The following JAKMIP1 variants were observed in gnomAD, a reference collection of about 807,000 sequenced individuals.
JAKMIP1 encodes the protein janus kinase and microtubule interacting protein 1.
Under a neutral mutation model 113.0 loss-of-function variants are expected in JAKMIP1, and 33 were observed. That is an observed-to-expected ratio of 0.29 (90% CI 0.22 to 0.39). The LOEUF (loss-of-function observed/expected upper bound fraction) is 0.39. JAKMIP1 is among the 10% of genes least tolerant of loss of function. The probability of loss-of-function intolerance (pLI) is 1.00; values close to 1 mark genes in which losing one functional copy is unlikely to be tolerated. For missense variants in JAKMIP1, 813 were observed against 1,080.5 expected (o/e 0.75, Z 3.47); for synonymous variants, 480 against 459.9 (o/e 1.04, Z -0.56).
rs931817415 is a variant in JAKMIP1 at position 6,158,809 on chromosome 4, C to A, written c.-148+41444G>T. 1.7e-4 allele frequency among the ~76,000 whole-genome samples: 26 copies of A among 152,124 alleles called. No individual in the cohort carries two copies. Among genetic ancestry groups the A allele is most frequent in the African/African-American group, 6.0e-4 (25 of 41,412 alleles). ...ACAGGAATTTAAAACACATACTGGG[C>A]CGGGCGTGGTGACTCACACCTGTAA... On this transcript the variant is annotated intron_variant, in intron 1 of 20. Transcript: ENST00000409021. The surrounding 1 kb of genome is among the most constrained non-coding windows in gnomAD (Gnocchi z 5.3).
rs1048627231 is a variant in JAKMIP1, at chr4:6,154,234, C to T, written c.-147-41237G>A. Among the ~76,000 whole-genome samples the T allele has an allele frequency of 6.6e-6, 1 of 152,192 alleles. No homozygotes were observed. The highest frequency in any genetic ancestry group is 2.4e-5 in the African/African-American group (1 of 41,448). On this transcript the variant is annotated intron_variant, in intron 1 of 20. Transcript: ENST00000409021. This position sits in a 1 kb window ranked among gnomAD's most constrained non-coding sequence, Gnocchi z 4.2. ...CTGAAGAAACAAGCAAATCACTGGACGTGCAGAGAGGCTGCACTGGGGAGA... is the reference window on the plus strand; with the variant it reads ...CTGAAGAAACAAGCAAATCACTGGATGTGCAGAGAGGCTGCACTGGGGAGA...
chr4:6,037,322 C>G (rs1713624631), intron 18 of JAKMIP1, among the ~76,000 whole-genome samples: 2 of 121,638 alleles, frequency 1.6e-5, no homozygotes, highest in Admixed American at 1.4e-4. Context: ...ACCAGTATCC[C>G]TCCATCACCG....
Position 6,179,681 on chromosome 4 carries a change from C to T in JAKMIP1, c.-148+20572G>A, listed in dbSNP as rs1480462421. Among the ~76,000 whole-genome samples, 6 of 152,192 alleles carry T rather than the reference C, an allele frequency of 3.9e-5. No homozygotes were observed. Among genetic ancestry groups the T allele is most frequent in the African/African-American group, 1.4e-4 (6 of 41,442 alleles). On this transcript the variant is annotated intron_variant, in intron 1 of 20. Coordinates refer to ENST00000409021, the MANE Select transcript of JAKMIP1 (RefSeq NM_001099433.2). This position sits in a 1 kb window ranked among gnomAD's most constrained non-coding sequence, Gnocchi z 4.5. ...GGGTCTCTTGGGGTATCACTCCTGC[C>T]CCCAGACCAAAAGCAACAGCTAAAC...
intron 2 of JAKMIP1, among the ~76,000 whole-genome samples, chr4:6,107,791 T>C (rs1307760942): frequency 6.6e-6 from 1 of 152,090 alleles, no homozygotes; most frequent in African/African-American, 2.4e-5. Flanking sequence ...ATTGGTTCTG[T>C]TTCTTTGAAG....
intron 3 of JAKMIP1, among the ~76,000 whole-genome samples, chr4:6,087,121 T>C (rs888597381): frequency 8.5e-5 from 13 of 152,184 alleles, no homozygotes; most frequent in African/African-American, 2.7e-4. Context: ...ACGTAGCAAG[T>C]TACATTTCAG....
chr4:6,144,863 T>C (rs1011136546), intron 1 of JAKMIP1, among the ~76,000 whole-genome samples: 4 of 152,186 alleles, frequency 2.6e-5, no homozygotes, highest in African/African-American at 7.2e-5. Context: ...AACATTGGAC[T>C]TGAGGTTTTA....
At chr4:6,036,253 C>T in intron 18 of JAKMIP1, 146 bp from the exon 19 acceptor site, 1 of 642,652 alleles carries the variant, frequency 1.6e-6, no homozygotes. Context: ...ACAGGGCCAG[C>T]AGTGCCCGGG....
intron 16 of JAKMIP1, among the ~76,000 whole-genome samples, chr4:6,045,952 A>C (rs1004204719): frequency 1.3e-5 from 2 of 152,236 alleles, no homozygotes; most frequent in African/African-American, 4.8e-5. Context: ...ACAATTTTTA[A>C]AATAAAGAGT....
Position 6,121,144 on chromosome 4 carries a change from G to A in JAKMIP1, c.-147-8147C>T, listed in dbSNP as rs190261911. Among the ~76,000 whole-genome samples the A allele has an allele frequency of 4.3e-4, 64 of 148,596 alleles. 1 individual carries two copies. The East Asian group carries it at 0.011, about 25-fold the overall frequency. ...GAATCTGGGAGGCAGAGGTTGCAGT[G>A]AGCCAAGATTGCACCACTGAACTCC... On this transcript the variant is annotated intron_variant, in intron 1 of 20. Coordinates refer to ENST00000409021, the MANE Select transcript of JAKMIP1 (RefSeq NM_001099433.2).
At chr4:6,034,933 C>T (rs893685138) in intron 19 of JAKMIP1, among the ~76,000 whole-genome samples, 4 of 152,146 alleles carry the variant, frequency 2.6e-5, no homozygotes, top group African/African-American at 9.7e-5. Flanking sequence ...ATTCAATCAC[C>T]TGAAGGCCTT....
At chr4:6,124,621 G>A (rs958538519) in intron 1 of JAKMIP1, among the ~76,000 whole-genome samples, 4 of 152,186 alleles carry the variant, frequency 2.6e-5, no homozygotes, top group South Asian at 4.1e-4. Context: ...CCTCCCCACC[G>A]TTCCCTGCTG....
chr4:6,095,920 G>A (rs1034429669), intron 3 of JAKMIP1, among the ~76,000 whole-genome samples: 2 of 152,152 alleles, frequency 1.3e-5, no homozygotes, highest in East Asian at 1.9e-4. Context: ...GAGAGAGAGA[G>A]AAAAATATCA....
chr4:6,083,607 CA>C (rs201032315), intron 5 of JAKMIP1, among the ~76,000 whole-genome samples: 1,952 of 115,770 alleles, frequency 0.017, 11 homozygotes, highest in Middle Eastern at 0.042. Flanking sequence ...TGATTAAAGC[CA>C]AAAAAAAAAA....
intron 1 of JAKMIP1, among the ~76,000 whole-genome samples, chr4:6,118,589 T>C (rs1282659505): frequency 6.6e-6 from 1 of 152,124 alleles, no homozygotes; most frequent in African/African-American, 2.4e-5. Flanking sequence ...CCACCACCAA[T>C]ATCTGCCCAT....
intron 1 of JAKMIP1, among the ~76,000 whole-genome samples, chr4:6,170,662 C>G (rs1345763767): frequency 6.7e-6 from 1 of 149,240 alleles, no homozygotes; most frequent in Non-Finnish European, 1.5e-5. Context: ...CACCACCAAT[C>G]CCACCACCCT....
chr4:6,075,862 C>G (rs1719628237), intron 8 of JAKMIP1, among the ~76,000 whole-genome samples: 2 of 152,218 alleles, frequency 1.3e-5, no homozygotes, highest in African/African-American at 4.8e-5. Flanking sequence ...TGAATTTCTC[C>G]TCCCATAAAC....
In JAKMIP1 at chr4:6,137,119, C is replaced by G. The variant is rs1165501089; in HGVS notation, c.-147-24122G>C. The stretch of plus-strand genomic sequence containing the variant: ...TAATCACTCTTCCTCCTCAACACCC[C>G]CTCCCTATTTTCATGGTAAGGTGCT... On this transcript the variant is annotated intron_variant, in intron 1 of 20. Coordinates refer to ENST00000409021, the MANE Select transcript of JAKMIP1 (RefSeq NM_001099433.2). The surrounding 1 kb of genome is among the most constrained non-coding windows in gnomAD (Gnocchi z 4.5). Among the ~76,000 whole-genome samples, 1 of 152,200 alleles carries G rather than the reference C, an allele frequency of 6.6e-6. No homozygotes were observed. Among genetic ancestry groups the G allele is most frequent in the East Asian group, 1.9e-4 (1 of 5,194 alleles).
Position 6,199,729 on chromosome 4 carries a change from C to T in JAKMIP1, c.-148+524G>A, listed in dbSNP as rs1043520432. ...GGGCTGGGCGGCCTCGCCTTCGGGC[C>T]CCGCGCCGCCGGGGCGCGGCCCCCA... On this transcript the variant is annotated intron_variant, in intron 1 of 20. Coordinates refer to ENST00000409021, the MANE Select transcript of JAKMIP1 (RefSeq NM_001099433.2). This position sits in a 1 kb window ranked among gnomAD's most constrained non-coding sequence, Gnocchi z 5.6. Among the ~76,000 whole-genome samples the T allele has an allele frequency of 6.6e-6, 1 of 151,376 alleles. No homozygotes were observed. The highest frequency in any genetic ancestry group is 1.5e-5 in the Non-Finnish European group (1 of 67,798).
At position 6,026,275 on chromosome 4, in the gene JAKMIP1, A is replaced by AGG; in HGVS notation, c.2448_2449insCC (p.Leu817ProfsTer10). ...AGTGAGAAAAACAAAAAAAGGAACA[A>AGG]AAACTATAAAATAATACCAAAAGAA... On this transcript the variant is annotated frameshift_variant, in exon 21 of 21. Transcript: ENST00000409021. LOFTEE classifies it high-confidence loss of function. The AGG allele has an allele frequency of 7.2e-7, 1 of 1,382,190 alleles. No homozygotes were observed. 85.6% of individuals were successfully genotyped at this position (1,382,190 alleles called of 1,614,324 possible).
Sources: gnomAD v4.1 joint callset for allele counts (sites outside exome capture counted in the v4.1 genomes callset) on GRCh38, gnomAD v4.1.1 for gene constraint, Gnocchi (gnomAD v3.1) non-coding constraint, MANE v1.5 for transcripts, NCBI Gene and HGNC (gene_info 2026-07-23, HGNC 2026-07-21) for gene names.